COL24A1: variants seen among roughly 807,000 people sequenced by gnomAD.
COL24A1 encodes the protein collagen type XXIV alpha 1 chain.
In COL24A1, 224 loss-of-function variants were observed where a neutral mutation model predicts 253.9. That is an observed-to-expected ratio of 0.88 (90% CI 0.79 to 0.99). The LOEUF (loss-of-function observed/expected upper bound fraction) is 0.99. Among genes scored for constraint, COL24A1 ranks in the 50% least tolerant of loss-of-function variants. The pLI is 0.00. For synonymous variants in COL24A1, 685 were observed against 673.7 expected, an observed-to-expected ratio of 1.02 and a Z score of -0.26; for missense variants, 2,131 against 2,068.5, an observed-to-expected ratio of 1.03 and a Z score of -0.59.
intron 3 of COL24A1, among the ~76,000 whole-genome samples, chr1:86,123,199 A>T (rs1263884597): frequency 9.2e-5 from 14 of 151,728 alleles, no homozygotes; most frequent in South Asian, 2.1e-4. Context: ...ATGCTATCAT[A>T]AAAAAAACTC....
chr1:86,025,284 G>T (rs1258765417), intron 14 of COL24A1, among the ~76,000 whole-genome samples: 1 of 152,176 alleles, frequency 6.6e-6, no homozygotes, highest in Non-Finnish European at 1.5e-5. Context: ...CTTGTTGAGG[G>T]TGTTTGGGAT....
chr1:85,885,877 T>C (rs936946061), intron 32 of COL24A1, among the ~76,000 whole-genome samples: 2 of 152,214 alleles, frequency 1.3e-5, no homozygotes, highest in Non-Finnish European at 2.9e-5. Context: ...ATAGTTTTTG[T>C]TATCAGGCAT....
In COL24A1 at chr1:85,909,969, TGCG is replaced by T. The variant is rs750571118; in HGVS notation, c.2648_2650del (p.Pro883del). On this transcript the variant is annotated inframe_deletion, in exon 26 of 60. Transcript: ENST00000370571. ...TCTTACCATAACACCTTTTTCTCCCTGCGGACCTAGTGGGCCTGGACTTCCACG... is the reference window on the plus strand; with the variant it reads ...TCTTACCATAACACCTTTTTCTCCCTGACCTAGTGGGCCTGGACTTCCACG... 2 of 1,610,522 alleles carry T rather than the reference TGCG, an allele frequency of 1.2e-6. No homozygotes were observed. Among genetic ancestry groups the T allele is most frequent in the Non-Finnish European group, 1.7e-6 (2 of 1,177,148 alleles).
At chr1:86,030,763 T>TG (rs1553264690) in intron 14 of COL24A1, among the ~76,000 whole-genome samples, 10 of 150,180 alleles carry the variant, frequency 6.7e-5, no homozygotes, top group Non-Finnish European at 1.2e-4. Flanking sequence ...TTTTTTTTTT[T>TG]TTGTTGTTGT....
intron 2 of COL24A1, among the ~76,000 whole-genome samples, chr1:86,143,821 T>G (rs1327496748): frequency 3.9e-5 from 6 of 152,094 alleles, no homozygotes; most frequent in Non-Finnish European, 8.8e-5. Flanking sequence ...TTTTTAAGTT[T>G]TGAAAAATCT....
chr1:86,125,165 TA>T lies in COL24A1; in HGVS notation c.1170del (p.Phe390LeufsTer39). 1 of 1,613,440 alleles carries T rather than the reference TA, an allele frequency of 6.2e-7. No individual in the cohort carries two copies. Among genetic ancestry groups the T allele is most frequent in the Non-Finnish European group, 8.5e-7 (1 of 1,179,664 alleles). ...TGTGGAAGAATAGATGGCATCTTCT[TA>T]AACAGTGACAGACCAGTTACTCTAT... is the stretch of plus-strand genomic sequence containing the variant. ...HDDRVTGLSL[F>X]KKMPSILPQI... is the part of the protein sequence containing the mutation. On this transcript the variant is annotated frameshift_variant, in exon 3 of 60. Coordinates refer to ENST00000370571, the MANE Select transcript of COL24A1 (RefSeq NM_152890.7). LOFTEE classifies it high-confidence loss of function.
intron 24 of COL24A1, among the ~76,000 whole-genome samples, chr1:85,916,420 G>C (rs1254956502): frequency 6.6e-6 from 1 of 152,134 alleles, no homozygotes; most frequent in African/African-American, 2.4e-5. Context: ...CATGCCCATG[G>C]ATATCTTTAA....
intron 32 of COL24A1, among the ~76,000 whole-genome samples, chr1:85,888,135 G>T (rs1360905098): frequency 6.6e-6 from 1 of 151,694 alleles, no homozygotes; most frequent in East Asian, 1.9e-4. Flanking sequence ...ATTACCTATT[G>T]GTTTTATCTC....
intron 47 of COL24A1, among the ~76,000 whole-genome samples, chr1:85,793,984 A>G (rs1670565265): frequency 6.6e-6 from 1 of 152,144 alleles, no homozygotes; most frequent in Admixed American, 6.5e-5. Flanking sequence ...AAAGTCATAT[A>G]TACAAGATGA....
rs1676689251 is a variant in COL24A1, at chr1:85,842,201, T to C, written c.3517-80A>G. On this transcript the variant is annotated intron_variant, in intron 40 of 59. Coordinates refer to ENST00000370571, the MANE Select transcript of COL24A1 (RefSeq NM_152890.7). The stretch of plus-strand genomic sequence containing the variant: ...CATTATTCTGAAAGGAAAAATAGGA[T>C]TCACTGTCTAGGAGGATGAGACCTA... 3 of 1,459,714 alleles carry C rather than the reference T, an allele frequency of 2.1e-6. No homozygotes were observed. The Admixed American group carries it at 5.1e-5, about 25-fold the overall frequency. 90.4% of individuals were successfully genotyped at this position (1,459,714 alleles called of 1,614,324 possible).
At chr1:85,760,736 G>T (rs1272334718) in intron 55 of COL24A1, among the ~76,000 whole-genome samples, 1 of 152,198 alleles carries the variant, frequency 6.6e-6, no homozygotes, top group African/African-American at 2.4e-5. Flanking sequence ...GAGGCTGGAG[G>T]AGTGGGGTGT....
At chr1:85,842,169 G>T in intron 40 of COL24A1, 48 bp from the exon 41 acceptor site, 1 of 1,556,612 alleles carries the variant, frequency 6.4e-7, no homozygotes, top group Non-Finnish European at 8.9e-7. Flanking sequence ...CTAGATATTA[G>T]ATATTGCATT....
intron 7 of COL24A1, among the ~76,000 whole-genome samples, chr1:86,069,115 C>T (rs1040976884): frequency 6.6e-6 from 1 of 152,160 alleles, no homozygotes. Context: ...GGGATTTTGT[C>T]TTGCACCCTA....
chr1:85,875,902 T>C (rs1254147121), intron 33 of COL24A1, among the ~76,000 whole-genome samples: 1 of 152,098 alleles, frequency 6.6e-6, no homozygotes, highest in East Asian at 1.9e-4. Context: ...TATTGCTTGA[T>C]GTTACAACTA....
At chr1:85,781,134 A>G in intron 52 of COL24A1, 86 bp downstream of exon 52, 1 of 986,460 alleles carries the variant, frequency 1.0e-6, no homozygotes, top group Non-Finnish European at 1.5e-6. Flanking sequence ...CTTCTCAAAT[A>G]CCCAGGCTAA....
At chr1:86,145,808 G>T (rs187301106) in intron 2 of COL24A1, among the ~76,000 whole-genome samples, 36 of 152,004 alleles carry the variant, frequency 2.4e-4, no homozygotes, top group African/African-American at 8.4e-4. Context: ...GTCACAGTTT[G>T]CCACCCCCAA....
intron 24 of COL24A1, among the ~76,000 whole-genome samples, chr1:85,922,245 CA>C (rs1686600192): frequency 6.6e-6 from 1 of 152,204 alleles, no homozygotes; most frequent in African/African-American, 2.4e-5. Flanking sequence ...AAACACTCTT[CA>C]GGGTATTATC....
chr1:85,985,792 A>T (rs1180373351), intron 20 of COL24A1, among the ~76,000 whole-genome samples: 2 of 151,860 alleles, frequency 1.3e-5, no homozygotes, highest in African/African-American at 2.4e-5. Context: ...GAACTTGAAG[A>T]GGTGAATGAA....
At chr1:86,132,796 G>A (rs559820205) in intron 2 of COL24A1, among the ~76,000 whole-genome samples, 2 of 152,276 alleles carry the variant, frequency 1.3e-5, no homozygotes, top group South Asian at 2.1e-4. Context: ...AAGTCAGGTA[G>A]TGTGATGCCT....
Sources: gnomAD v4.1 joint callset for allele counts (sites outside exome capture counted in the v4.1 genomes callset) on GRCh38, gnomAD v4.1.1 for gene constraint, MANE v1.5 for transcripts, NCBI Gene and HGNC (gene_info 2026-07-23, HGNC 2026-07-21) for gene names.